The following EXOC2 variants were observed in gnomAD, a reference collection of about 807,000 sequenced individuals.
EXOC2 encodes the protein SEC5-like 1.
A neutral mutation model predicts 131.8 loss-of-function variants in EXOC2; 70 were observed. That is an observed-to-expected ratio of 0.53 (90% CI 0.44 to 0.65). EXOC2 has a LOEUF of 0.65. Ranked by LOEUF, EXOC2 falls within the 30% of genes least tolerant of loss-of-function variation. EXOC2 has a pLI of 0.00. For missense variants in EXOC2, 923 were observed against 1,108.6 expected, an observed-to-expected ratio of 0.83 and a Z score of 2.38; for synonymous variants, 411 against 398.4, an observed-to-expected ratio of 1.03 and a Z score of -0.38.
intron 1 of EXOC2, among the ~76,000 whole-genome samples, chr6:648,918 C>T (rs115999449): frequency 0.017 from 2,564 of 151,612 alleles, 32 homozygotes; most frequent in African/African-American, 0.028. Flanking sequence ...TTAATAGAGA[C>T]AGGGTCTTGC....
Position 633,007 on chromosome 6 carries a change from T to C in EXOC2, c.229A>G (p.Thr77Ala), listed in dbSNP as rs775317221. 4.3e-6 allele frequency: 7 copies of C among 1,614,092 alleles called. No individual in the cohort carries two copies. Among genetic ancestry groups the C allele is most frequent in the Non-Finnish European group, 5.9e-6 (7 of 1,180,038 alleles). The change falls in exon 3 of 28, where the codon ACC becomes GCC. Residue 77 changes from threonine (T) to alanine (A), a missense_variant. Thr to Ala is a moderately conservative substitution (Grantham distance 58, BLOSUM62 0). Coordinates refer to ENST00000230449, the MANE Select transcript of EXOC2 (RefSeq NM_018303.6). Reference protein sequence around the residue: ...AKNDKGDIIVTTKSGGRGTST... With the variant: ...AKNDKGDIIVATKSGGRGTST... Reference sequence around the variant, plus strand: ...GTTCCTCTGCCACCTGACTTAGTGGTGACAATAATGTCTCCTTTGTCATTT... The same window carrying C: ...GTTCCTCTGCCACCTGACTTAGTGGCGACAATAATGTCTCCTTTGTCATTT...
In EXOC2 at chr6:553,752, C is replaced by A. The variant is rs577789378; in HGVS notation, c.2121+102G>T. ...CCAAAGCACAGCACAGTGTCCTATA[C>A]CACGTGCTATAGCAAGGATGCAGGA... is the stretch of plus-strand genomic sequence containing the variant. On this transcript the variant is annotated intron_variant, in intron 21 of 27. Transcript: ENST00000230449. 513 of 899,956 alleles carry A rather than the reference C, an allele frequency of 5.7e-4. 6 individuals carry two copies. Among genetic ancestry groups the A allele is most frequent in the South Asian group, 2.1e-3 (150 of 71,680 alleles). The allele number at this position is 899,956 out of a possible 1,614,324, so 55.7% of individuals were successfully genotyped here. A position where few individuals can be genotyped will look rare whatever the true frequency, so the allele number is the denominator to read the frequency against.
intron 1 of EXOC2, among the ~76,000 whole-genome samples, chr6:681,267 C>G (rs1487826880): frequency 6.6e-6 from 1 of 152,164 alleles, no homozygotes; most frequent in Admixed American, 6.5e-5. Context: ...CCAAATTAAC[C>G]AAACATCTAA....
At chr6:614,371 T>G (rs2127670423) in intron 6 of EXOC2, among the ~76,000 whole-genome samples, 1 of 152,338 alleles carries the variant, frequency 6.6e-6, no homozygotes, top group Non-Finnish European at 1.5e-5. Flanking sequence ...ACTCCATGTG[T>G]GTGTCACGGA....
At chr6:656,444 G>A in intron 1 of EXOC2, 1 of 1,613,582 alleles carries the variant, frequency 6.2e-7, no homozygotes, top group Non-Finnish European at 8.5e-7. Flanking sequence ...TCTCCACGAT[G>A]CTCCTCAGCG....
rs1269963181 is a variant in EXOC2, at chr6:634,660, C to A, written c.119-1543G>T. On this transcript the variant is annotated intron_variant, in intron 2 of 27. Coordinates refer to ENST00000230449, the MANE Select transcript of EXOC2 (RefSeq NM_018303.6). ...GAATTTTAGGGGTTTCTCTAAAATA[C>A]CTATAATTCACTAATGTCTGCAACT... Among the ~76,000 whole-genome samples the A allele has an allele frequency of 2.0e-5, 3 of 152,192 alleles. No individual in the cohort carries two copies. In the East Asian group the frequency reaches 5.8e-4, roughly 29 times the overall value.
intron 7 of EXOC2, 70 bp from the exon 8 acceptor site, chr6:599,295 T>C (rs965429316): frequency 1.1e-5 from 15 of 1,416,374 alleles, no homozygotes; most frequent in Non-Finnish European, 1.4e-5. Context: ...AACTGGGCAC[T>C]AGAAACAAAA....
In EXOC2 at chr6:518,430, TGTTA is replaced by T. The variant is rs1417428842; in HGVS notation, c.2380+14035_2380+14038del. Among the ~76,000 whole-genome samples, 14 of 152,364 alleles carry T rather than the reference TGTTA, an allele frequency of 9.2e-5. No homozygotes were observed. In the East Asian group the frequency reaches 2.5e-3, roughly 27 times the overall value. ...TGGACTGTTTATTTGTACAATAGTA[TGTTA>T]GTTTACCCTGATGCCAAACAGCATA... On this transcript the variant is annotated intron_variant, in intron 23 of 27. Transcript: ENST00000230449.
chr6:526,463 A>C (rs1765750929), intron 23 of EXOC2, among the ~76,000 whole-genome samples: 4 of 127,138 alleles, frequency 3.1e-5, no homozygotes, highest in Non-Finnish European at 4.8e-5. Flanking sequence ...TTTTTGAGAC[A>C]GAGTTTCGCT....
chr6:634,338 G>A (rs1030145007), intron 2 of EXOC2, among the ~76,000 whole-genome samples: 1 of 152,108 alleles, frequency 6.6e-6, no homozygotes, highest in Non-Finnish European at 1.5e-5. Context: ...ACCTGCCTTG[G>A]CCTCCCAAAG....
Position 637,869 on chromosome 6 carries a change from A to C in EXOC2, c.-43-8T>G, listed in dbSNP as rs1241967267. The C allele has an allele frequency of 6.4e-7, 1 of 1,551,852 alleles. No homozygotes were observed. The highest frequency in any genetic ancestry group is 1.1e-5 in the South Asian group (1 of 87,566). On this transcript the variant is annotated splice_polypyrimidine_tract_variant and splice_region_variant and intron_variant, in intron 1 of 27. Transcript: ENST00000230449. Reference sequence around the variant, plus strand: ...TCCTGTTAGAGAAGTAATCTGTTAAAAGAGAAAGAAAAAAGGATTAGTACC... The same window carrying C: ...TCCTGTTAGAGAAGTAATCTGTTAACAGAGAAAGAAAAAAGGATTAGTACC...
At chr6:655,985 C>T (rs915287635) in intron 1 of EXOC2, 2 of 707,800 alleles carry the variant, frequency 2.8e-6, no homozygotes, top group African/African-American at 3.6e-5. Context: ...AGGAAGGGCT[C>T]AACAAAATAT....
rs1411014559 is a variant in EXOC2, at chr6:624,016, GA to G, written c.423-4474del. On this transcript the variant is annotated intron_variant, in intron 4 of 27. Coordinates refer to ENST00000230449, the MANE Select transcript of EXOC2 (RefSeq NM_018303.6). Reference sequence around the variant, plus strand: ...GCCATCAATGAATATTGTATATTATGAAAAAGTAGATTTTATTTTTGTTTAA... The same window carrying G: ...GCCATCAATGAATATTGTATATTATGAAAAGTAGATTTTATTTTTGTTTAA... Among the ~76,000 whole-genome samples the G allele has an allele frequency of 3.3e-5, 5 of 152,290 alleles. No homozygotes were observed. The East Asian group carries it at 5.8e-4, about 18-fold the overall frequency.
intron 13 of EXOC2, among the ~76,000 whole-genome samples, chr6:569,318 G>T (rs540577837): frequency 6.6e-6 from 1 of 152,220 alleles, no homozygotes; most frequent in Non-Finnish European, 1.5e-5. Flanking sequence ...CTGCTTTGTG[G>T]TGAGAGCAAC....
At chr6:672,930 C>G (rs886572097) in intron 1 of EXOC2, among the ~76,000 whole-genome samples, 1 of 152,002 alleles carries the variant, frequency 6.6e-6, no homozygotes, top group Non-Finnish European at 1.5e-5. Context: ...GTGATCTAAA[C>G]GATAAGGTAA....
intron 11 of EXOC2, among the ~76,000 whole-genome samples, chr6:589,131 A>G (rs1041487618): frequency 2.6e-5 from 4 of 152,226 alleles, no homozygotes; most frequent in African/African-American, 9.6e-5. Context: ...CCTTGGTCAG[A>G]CCACATATCC....
rs547040329 is a variant in EXOC2, at chr6:563,946, T to C, written c.1789+87A>G. 4.0e-6 allele frequency: 6 copies of C among 1,515,196 alleles called. No individual in the cohort carries two copies. The African/African-American group carries it at 7.0e-5, about 18-fold the overall frequency. The allele number at this position is 1,515,196 out of a possible 1,614,324, so 93.9% of individuals were successfully genotyped here. On this transcript the variant is annotated intron_variant, in intron 16 of 27. Transcript: ENST00000230449. ...CAATTTCCAGAAGAGTAATTTTCCCTTGTTTTCAAGGATTTGGACACTGAA... is the reference window on the plus strand; with the variant it reads ...CAATTTCCAGAAGAGTAATTTTCCCCTGTTTTCAAGGATTTGGACACTGAA...
intron 23 of EXOC2, among the ~76,000 whole-genome samples, chr6:530,673 G>C (rs1309309294): frequency 6.6e-6 from 1 of 152,222 alleles, no homozygotes; most frequent in African/African-American, 2.4e-5. Context: ...CCTGCTGCCT[G>C]GGGGAGCCCG....
intron 23 of EXOC2, among the ~76,000 whole-genome samples, chr6:502,528 C>T (rs754078389): frequency 1.8e-4 from 27 of 152,086 alleles, no homozygotes; most frequent in East Asian, 3.8e-4. Flanking sequence ...AGAACCCACC[C>T]GCCTAAGCAT....
Sources: allele counts gnomAD v4.1 joint callset (sites outside exome capture counted in the v4.1 genomes callset), GRCh38; gene constraint gnomAD v4.1.1; transcripts MANE v1.5; gene names NCBI Gene and HGNC (gene_info 2026-07-23, HGNC 2026-07-21).